The following PTCH1 variants were observed in gnomAD, a reference collection of about 807,000 sequenced individuals.
PTCH1 encodes protein patched homolog 1.
Under a neutral mutation model 144.6 loss-of-function variants are expected in PTCH1, and 14 were observed. The ratio of observed to expected loss-of-function variants is 0.10; its 90% CI spans 0.06 to 0.15. The LOEUF (loss-of-function observed/expected upper bound fraction) is 0.15, where lower values mean the gene tolerates loss of function less well. Ranked by LOEUF, PTCH1 falls within the 10% of genes least tolerant of loss-of-function variation. PTCH1 has a pLI of 1.00. For missense variants in PTCH1, 1,623 were observed against 1,948.3 expected (o/e 0.83, Z 3.14); for synonymous variants, 833 against 793.6 (o/e 1.05, Z -0.83).
chr9:95,447,530 TG>T lies in PTCH1; in HGVS notation c.3805-80del, dbSNP rs1838069911. On this transcript the variant is annotated intron_variant, in intron 22 of 23. Transcript: ENST00000331920. ...CCCGCAGCTCCCACACTTCCCTCCT[TG>T]GGTTTCACCAAAGACTCAGTCAACC... 3 of 1,422,614 alleles carry T rather than the reference TG, an allele frequency of 2.1e-6. No homozygotes were observed. The African/African-American group carries it at 4.3e-5, about 20-fold the overall frequency. The allele number at this position is 1,422,614 out of a possible 1,614,324, so 88.1% of individuals were successfully genotyped here.
intron 16 of PTCH1, 98 bp downstream of exon 16, chr9:95,461,758 G>A (rs1839487740): frequency 2.6e-6 from 4 of 1,528,792 alleles, no homozygotes; most frequent in African/African-American, 2.7e-5. Flanking sequence ...TAGGTCTCCA[G>A]AGAGCACAGG....
chr9:95,507,965 T>G (rs1043624984), intron 1 of PTCH1, 196 bp downstream of exon 1: 30 of 1,478,622 alleles, frequency 2.0e-5, no homozygotes, highest in Middle Eastern at 2.4e-4. Context: ...GACAGCCCTT[T>G]CCTCCCAGGA....
At chr9:95,487,918 G>A (rs186989899) in intron 2 of PTCH1, among the ~76,000 whole-genome samples, 1 of 152,308 alleles carries the variant, frequency 6.6e-6, no homozygotes, top group Admixed American at 6.5e-5. Context: ...GTTATAGTGA[G>A]GAGCAGTCCA....
rs1353450809 is a variant in PTCH1, at chr9:95,469,070, G to T, written c.1931C>A (p.Pro644His). The T allele has an allele frequency of 6.2e-7, 1 of 1,614,120 alleles. No individual in the cohort carries two copies. The highest frequency in any genetic ancestry group is 1.7e-5 in the Admixed American group (1 of 60,022). Residue 644 changes from proline (P) to histidine (H), a missense_variant, in exon 14 of 24, where the codon CCC becomes CAC. By Grantham distance (77) the Pro-to-His change is moderately conservative (BLOSUM62 -2). Around this residue, in one of 7 missense-constraint regions of PTCH1, gnomAD observed 179 missense variants for 165.7 expected, o/e 1.08. Transcript: ENST00000331920. ...HDNTRYSPPPPYSSHSFAHET... is the reference protein window; with the variant it reads ...HDNTRYSPPPHYSSHSFAHET... ...ATGGGCAAAGCTGTGGCTGCTGTAG[G>T]GAGGTGGGGGGCTGTAGCGGGTATT...
chr9:95,464,275 G>C (rs1191920582), intron 15 of PTCH1, among the ~76,000 whole-genome samples: 1 of 152,208 alleles, frequency 6.6e-6, no homozygotes, highest in African/African-American at 2.4e-5. Context: ...TACAAGGTAC[G>C]ACCCTGGATA....
In PTCH1 at chr9:95,509,261, G is replaced by A. The variant is rs573525668; in HGVS notation, c.-900C>T. Among the ~76,000 whole-genome samples the A allele has an allele frequency of 3.0e-4, 45 of 152,166 alleles. No homozygotes were observed. The East Asian group carries it at 7.0e-3, about 24-fold the overall frequency. On this transcript the variant is annotated 5_prime_UTR_variant, in exon 1 of 24. Coordinates refer to ENST00000331920, the MANE Select transcript of PTCH1 (RefSeq NM_000264.5). ...GAAAGAAGAGGAGGAGGGGAGGGGA[G>A]GGGGTGGAGGGGGAGAGAGCGAGCG...
intron 12 of PTCH1, chr9:95,473,867 T>C: frequency 3.1e-6 from 1 of 321,110 alleles, no homozygotes; most frequent in Non-Finnish European, 6.2e-6. Flanking sequence ...GACAGAGAAT[T>C]AACCAGTGTC....
At chr9:95,461,789 G>A (rs1418871956) in intron 16 of PTCH1, 67 bp downstream of exon 16, 2 of 1,603,376 alleles carry the variant, frequency 1.2e-6, no homozygotes, top group East Asian at 4.5e-5. Context: ...ACGCTGTCAA[G>A]CAGCCTCCAC....
rs55758638 is a variant in PTCH1, at chr9:95,449,706, C to T, written c.3549+135G>A. On this transcript the variant is annotated intron_variant, in intron 21 of 23. Coordinates refer to ENST00000331920, the MANE Select transcript of PTCH1 (RefSeq NM_000264.5). The surrounding 1 kb of genome is among the most constrained non-coding windows in gnomAD (Gnocchi z 5.3). ...AAAGCCAGTACACCGAAGAGGAAAA[C>T]AGACATGACTCTGAGATGTTTACTG... is the stretch of plus-strand genomic sequence containing the variant. 5.6e-3 allele frequency: 5,203 copies of T among 921,642 alleles called. 44 individuals carry two copies. The highest frequency in any genetic ancestry group is 0.028 in the East Asian group (1,049 of 38,016). The allele number at this position is 921,642 out of a possible 1,614,324, so 57.1% of individuals were successfully genotyped here.
At chr9:95,479,744 T>G in intron 7 of PTCH1, 1 of 664,300 alleles carries the variant, frequency 1.5e-6, no homozygotes, top group South Asian at 1.9e-5. Context: ...GGAACTATGG[T>G]CCTGATGAAA....
intron 2 of PTCH1, among the ~76,000 whole-genome samples, chr9:95,498,899 G>C (rs944677160): frequency 6.6e-6 from 1 of 152,194 alleles, no homozygotes; most frequent in Non-Finnish European, 1.5e-5. Flanking sequence ...AACACATAAA[G>C]CTTCAGAGTC....
Position 95,459,486 on chromosome 9 carries a change from G to A in PTCH1, c.2887+114C>T, listed in dbSNP as rs770833383. 5.8e-4 allele frequency: 761 copies of A among 1,306,372 alleles called. 6 individuals are homozygous for A. The highest frequency in any genetic ancestry group is 5.2e-4 in the Middle Eastern group (2 of 3,866). 80.9% of individuals were successfully genotyped at this position (1,306,372 alleles called of 1,614,324 possible). A position where few individuals can be genotyped will look rare whatever the true frequency, so the allele number is the denominator to read the frequency against. ...TAAACGAGAAGAAATAGATTGTTCT[G>A]TTTACACTTCTGAACCCTGGGTAGC... On this transcript the variant is annotated intron_variant, in intron 17 of 23. Transcript: ENST00000331920.
chr9:95,492,609 T>A (rs1842490531), intron 2 of PTCH1, among the ~76,000 whole-genome samples: 1 of 152,018 alleles, frequency 6.6e-6, no homozygotes, highest in Admixed American at 6.6e-5. Flanking sequence ...TCAAGCTTTC[T>A]CATCATGCTT....
At position 95,476,909 on chromosome 9, in the gene PTCH1, A is replaced by G; in HGVS notation, c.1504-52T>C. ...ATTAGACATGCGAGATGCAATTCAG[A>G]TGATTCTAAAGCTAGTTAGGACTCT... is the stretch of plus-strand genomic sequence containing the variant. On this transcript the variant is annotated intron_variant, in intron 10 of 23. Coordinates refer to ENST00000331920, the MANE Select transcript of PTCH1 (RefSeq NM_000264.5). The surrounding 1 kb of genome is among the most constrained non-coding windows in gnomAD (Gnocchi z 4.6). The G allele has an allele frequency of 1.3e-6, 2 of 1,535,564 alleles. No individual in the cohort carries two copies. The highest frequency in any genetic ancestry group is 9.0e-7 in the Non-Finnish European group (1 of 1,115,966).
At chr9:95,508,031 A>C (rs1843862214) in intron 1 of PTCH1, 130 bp downstream of exon 1, 1 of 1,511,760 alleles carries the variant, frequency 6.6e-7, no homozygotes, top group South Asian at 1.2e-5. Context: ...TTTCCTGGAG[A>C]GGTGTGAGTG....
chr9:95,472,669 C>A lies in PTCH1; in HGVS notation c.1729-2738G>T, dbSNP rs562566527. On this transcript the variant is annotated intron_variant, in intron 12 of 23. Transcript: ENST00000331920. Reference sequence around the variant, plus strand: ...CACAGGCATGGGCACCAGCCGGCCTCATCGGTCAGAGAAGCCTGCTGGGCA... The same window carrying A: ...CACAGGCATGGGCACCAGCCGGCCTAATCGGTCAGAGAAGCCTGCTGGGCA... 3.0e-3 allele frequency among the ~76,000 whole-genome samples: 461 copies of A among 152,292 alleles called. 2 individuals carry two copies. Among genetic ancestry groups the A allele is most frequent in the African/African-American group, 0.01 (427 of 41,542 alleles).
intron 16 of PTCH1, 23 bp downstream of exon 16, chr9:95,461,833 T>A (rs2136686118): frequency 6.2e-7 from 1 of 1,613,910 alleles, no homozygotes; most frequent in Non-Finnish European, 8.5e-7. Flanking sequence ...GGAAGCGCCC[T>A]CAGTGCCCAG....
At chr9:95,506,318 C>T (rs1272385090) in intron 2 of PTCH1, 89 bp downstream of exon 2, 3 of 1,439,896 alleles carry the variant, frequency 2.1e-6, no homozygotes, top group Non-Finnish European at 2.8e-6. Context: ...CGGCCGCAGC[C>T]AGGCTCTAGG....
At chr9:95,499,716 T>C (rs747066125) in intron 2 of PTCH1, among the ~76,000 whole-genome samples, 9 of 152,266 alleles carry the variant, frequency 5.9e-5, no homozygotes, top group African/African-American at 9.6e-5. Flanking sequence ...AAGTGGCTTC[T>C]ATTAAATCTG....
Sources: allele counts gnomAD v4.1 joint callset (sites outside exome capture counted in the v4.1 genomes callset), GRCh38; gene constraint gnomAD v4.1.1; regional missense constraint gnomAD v4.1.1; non-coding constraint Gnocchi (gnomAD v3.1); transcripts MANE v1.5; gene names NCBI Gene and HGNC (gene_info 2026-07-23, HGNC 2026-07-21).